The following GLG1 variants were observed in gnomAD, a reference collection of about 807,000 sequenced individuals.
GLG1 encodes golgi glycoprotein 1, also known as Golgi apparatus protein 1.
Under a neutral mutation model 160.5 loss-of-function variants are expected in GLG1, and 38 were observed. The ratio of observed to expected loss-of-function variants is 0.24; its 90% confidence interval spans 0.18 to 0.31. The LOEUF is 0.31. Among genes scored for constraint, GLG1 ranks in the 10% least tolerant of loss-of-function variants. The pLI is 1.00. For synonymous variants in GLG1, 644 were observed against 543.4 expected (o/e 1.19, Z -2.57); for missense variants, 1,373 against 1,505.2 (o/e 0.91, Z 1.45).
At chr16:74,539,669 C>G (rs756597501) in intron 1 of GLG1, among the ~76,000 whole-genome samples, 4 of 151,436 alleles carry the variant, frequency 2.6e-5, no homozygotes, top group African/African-American at 9.7e-5. Context: ...ACAGAGCAAT[C>G]GCTAATTACT....
intron 24 of GLG1, among the ~76,000 whole-genome samples, 174 bp from the exon 25 acceptor site, chr16:74,456,929 A>T (rs1475152718): frequency 6.6e-6 from 1 of 152,180 alleles, no homozygotes; most frequent in Non-Finnish European, 1.5e-5. Context: ...GAGAAATGAT[A>T]TGTAACCTCC....
At chr16:74,507,341 T>A (rs1413793047) in intron 3 of GLG1, among the ~76,000 whole-genome samples, 2 of 152,126 alleles carry the variant, frequency 1.3e-5, no homozygotes, top group African/African-American at 4.8e-5. Flanking sequence ...TAAATTTCCC[T>A]GGGCCAATCA....
intron 1 of GLG1, among the ~76,000 whole-genome samples, chr16:74,596,466 T>C (rs1198829135): frequency 1.3e-5 from 2 of 151,648 alleles, no homozygotes; most frequent in East Asian, 1.9e-4. Flanking sequence ...GAGGCAGAGG[T>C]TGCAGTGAGC....
intron 4 of GLG1, among the ~76,000 whole-genome samples, chr16:74,498,419 G>A (rs1444919835): frequency 3.6e-5 from 1 of 27,772 alleles, no homozygotes; most frequent in African/African-American, 1.0e-4. Flanking sequence ...GAGGTGCAGT[G>A]CAAGGCTCTG....
chr16:74,474,913 T>C (rs2015342690), intron 12 of GLG1, among the ~76,000 whole-genome samples: 1 of 151,968 alleles, frequency 6.6e-6, no homozygotes, highest in Non-Finnish European at 1.5e-5. Flanking sequence ...TCCCAGCACT[T>C]TGGGAGGCTG....
rs1389003785 is a variant in GLG1, at chr16:74,488,777, G to A, written c.1449+2224C>T. The stretch of plus-strand genomic sequence containing the variant: ...TGGGACTACAGGTGCATGCCACCAC[G>A]CCCGGCTAATTTCGTATTTTTCATA... On this transcript the variant is annotated intron_variant, in intron 8 of 25. Coordinates refer to ENST00000422840, the MANE Select transcript of GLG1 (RefSeq NM_001145667.2). 3.3e-5 allele frequency among the ~76,000 whole-genome samples: 5 copies of A among 151,970 alleles called. No individual in the cohort carries two copies. In the East Asian group the frequency reaches 5.8e-4, roughly 18 times the overall value.
chr16:74,596,288 G>C lies in GLG1; in HGVS notation c.438+10369C>G, dbSNP rs148307060. The stretch of plus-strand genomic sequence containing the variant: ...TAATGCCTGTAATCCCAGCACTTTG[G>C]GGGGCTAAGGCAGGTGGATCACCTG... On this transcript the variant is annotated intron_variant, in intron 1 of 25. Coordinates refer to ENST00000422840, the MANE Select transcript of GLG1 (RefSeq NM_001145667.2). Among the ~76,000 whole-genome samples, 294 of 151,966 alleles carry C rather than the reference G, an allele frequency of 1.9e-3. 1 individual carries two copies. The highest frequency in any genetic ancestry group is 6.8e-3 in the African/African-American group (281 of 41,456).
chr16:74,516,999 C>T (rs1032563595), intron 2 of GLG1, among the ~76,000 whole-genome samples: 2 of 152,108 alleles, frequency 1.3e-5, no homozygotes, highest in Admixed American at 6.6e-5. Context: ...CAAGACTAAA[C>T]CAGGAAGAAG....
intron 2 of GLG1, among the ~76,000 whole-genome samples, chr16:74,527,954 G>A (rs1403966042): frequency 2.0e-5 from 3 of 148,464 alleles, no homozygotes; most frequent in Non-Finnish European, 3.0e-5. Context: ...GTGCAGTCTC[G>A]GCTCACTGCC....
rs578035803 is a variant in GLG1 at position 74,540,556 on chromosome 16, T to C, written c.439-8403A>G. 5.1e-3 allele frequency among the ~76,000 whole-genome samples: 777 copies of C among 151,654 alleles called. 2 individuals carry two copies. Among genetic ancestry groups the C allele is most frequent in the African/African-American group, 0.011 (447 of 41,302 alleles). ...GCCTAACATTTAAGAAACGTAAGGA[T>C]TGTCTTGCAATGACAAGAGTTTTTA... On this transcript the variant is annotated intron_variant, in intron 1 of 25. Transcript: ENST00000422840.
intron 7 of GLG1, among the ~76,000 whole-genome samples, chr16:74,492,195 G>C (rs905339123): frequency 6.0e-5 from 9 of 149,106 alleles, no homozygotes; most frequent in South Asian, 2.1e-4. Context: ...GACTATCATG[G>C]CCAACATGGT....
intron 2 of GLG1, among the ~76,000 whole-genome samples, chr16:74,519,040 A>G (rs1203771600): frequency 6.6e-6 from 1 of 152,220 alleles, no homozygotes; most frequent in African/African-American, 2.4e-5. Flanking sequence ...GCACATGTAT[A>G]TTTATTGTGG....
intron 1 of GLG1, among the ~76,000 whole-genome samples, chr16:74,586,990 T>C (rs1027251028): frequency 1.0e-5 from 1 of 95,734 alleles, no homozygotes; most frequent in Non-Finnish European, 2.0e-5. Flanking sequence ...CCACCGCACC[T>C]GGCCTCATTA....
At chr16:74,481,878 G>A (rs926191027) in intron 10 of GLG1, among the ~76,000 whole-genome samples, 7 of 152,150 alleles carry the variant, frequency 4.6e-5, no homozygotes, top group South Asian at 2.1e-4. Context: ...TCCGCCTCCC[G>A]GGTTTTACAC....
At chr16:74,496,367 T>C (rs2016186710) in intron 5 of GLG1, 74 bp downstream of exon 5, 2 of 1,033,300 alleles carry the variant, frequency 1.9e-6, no homozygotes, top group Non-Finnish European at 2.9e-6. Context: ...AACAACACAA[T>C]TAAATTAATT....
intron 22 of GLG1, among the ~76,000 whole-genome samples, chr16:74,461,027 GAGTGAGCTTTTTTGT>G (rs1416870226): frequency 6.6e-6 from 1 of 152,234 alleles, no homozygotes; most frequent in Non-Finnish European, 1.5e-5. Context: ...ACAGTTTTAT[GAGTGAGCTTTTTTGT>G]AACAGCTTTT....
rs1211322453 is a variant in GLG1, at chr16:74,450,251, C to T, written c.*2916G>A. On this transcript the variant is annotated 3_prime_UTR_variant, in exon 26 of 26. Transcript: ENST00000422840. ...CAGGCCAGAGTCCATCATCCACTCACATCCACAGAAGGGTCATTGTTTCTT... is the reference window on the plus strand; with the variant it reads ...CAGGCCAGAGTCCATCATCCACTCATATCCACAGAAGGGTCATTGTTTCTT... 2.0e-5 allele frequency: 3 copies of T among 152,334 alleles called. No homozygotes were observed. Among genetic ancestry groups the T allele is most frequent in the African/African-American group, 7.2e-5 (3 of 41,464 alleles). The allele number at this position is 152,334 out of a possible 1,614,324, so 9.4% of individuals were successfully genotyped here. A position where few individuals can be genotyped will look rare whatever the true frequency, so the allele number is the denominator to read the frequency against.
intron 1 of GLG1, among the ~76,000 whole-genome samples, chr16:74,581,230 T>C (rs1957931507): frequency 6.6e-6 from 1 of 152,000 alleles, no homozygotes; most frequent in Non-Finnish European, 1.5e-5. Flanking sequence ...AGCCAAAAGG[T>C]AGAAGCAATT....
Position 74,483,066 on chromosome 16 carries a change from G to A in GLG1, c.1630C>T (p.His544Tyr), listed in dbSNP as rs775658494. The change falls in exon 10 of 26, where the codon CAC becomes TAC. Residue 544 changes from histidine (H) to tyrosine (Y), a missense_variant. This residue lies in a region of GLG1 where 386 missense variants were observed against 388.5 expected (regional missense o/e 0.99). Transcript: ENST00000422840. ...AAATACTGCAGCTCTAAGAGACGGTGTTCACAGTCTTCTACCATCTTCTCT... is the reference window on the plus strand; with the variant it reads ...AAATACTGCAGCTCTAAGAGACGGTATTCACAGTCTTCTACCATCTTCTCT... ...YTEKMVEDCE[H>Y]RLLELQYFIS... The A allele has an allele frequency of 3.1e-6, 5 of 1,610,684 alleles. No individual in the cohort carries two copies. The highest frequency in any genetic ancestry group is 2.2e-5 in the East Asian group (1 of 44,866).
Sources: gnomAD v4.1 joint callset for allele counts (sites outside exome capture counted in the v4.1 genomes callset) on GRCh38, gnomAD v4.1.1 for gene constraint, gnomAD v4.1.1 regional missense constraint, MANE v1.5 for transcripts, NCBI Gene and HGNC (gene_info 2026-07-23, HGNC 2026-07-21) for gene names.